ELOVL2: variants seen among roughly 807,000 people sequenced by gnomAD.
ELOVL2 encodes ELOVL fatty acid elongase 2, also known as very long chain fatty acid elongase 2.
ELOVL2 carries 38 observed loss-of-function variants against 37.7 expected under a neutral mutation model. That is an observed-to-expected ratio of 1.01 (90% CI 0.78 to 1.32). ELOVL2 has a LOEUF of 1.32. Ranked by LOEUF, ELOVL2 falls within the 40% of genes most tolerant of loss-of-function variation. ELOVL2 has a pLI of 0.00. For synonymous variants in ELOVL2, 115 were observed against 122.3 expected (o/e 0.94, Z 0.40); for missense variants, 352 against 363.6 (o/e 0.97, Z 0.26).
intron 1 of ELOVL2, among the ~76,000 whole-genome samples, chr6:11,016,309 A>G (rs899732806): frequency 6.6e-6 from 1 of 152,216 alleles, no homozygotes; most frequent in African/African-American, 2.4e-5. Context: ...TTTATAGAAC[A>G]TTTTAAAGAC....
Position 10,987,344 on chromosome 6 carries a change from T to C in ELOVL2, c.765+2359A>G, listed in dbSNP as rs1362344667. On this transcript the variant is annotated intron_variant, in intron 7 of 7. Coordinates refer to ENST00000354666, the MANE Select transcript of ELOVL2 (RefSeq NM_017770.4). ...TTTGAAGGGTTTTTTGTGTCTCTAT[T>C]TCCTTCAGTTCTGCTCTGATTTTAG... Among the ~76,000 whole-genome samples, 5 of 152,242 alleles carry C rather than the reference T, an allele frequency of 3.3e-5. No individual in the cohort carries two copies. In the East Asian group the frequency reaches 9.6e-4, roughly 29 times the overall value.
chr6:11,009,776 G>GT (rs1357497635), intron 2 of ELOVL2, among the ~76,000 whole-genome samples: 2 of 152,302 alleles, frequency 1.3e-5, no homozygotes, highest in African/African-American at 4.8e-5. Flanking sequence ...AAGAAGTTTG[G>GT]TTTTTACCTG....
In ELOVL2 at chr6:11,043,617, C is replaced by T. The variant is rs1343972148; in HGVS notation, c.3+611G>A. 3 of 153,046 alleles carry T rather than the reference C, an allele frequency of 2.0e-5. No individual in the cohort carries two copies. The Admixed American group carries it at 2.0e-4, about 10-fold the overall frequency. 9.5% of individuals were successfully genotyped at this position (153,046 alleles called of 1,614,324 possible). On this transcript the variant is annotated intron_variant, in intron 1 of 7. Transcript: ENST00000354666. ...CTCCGAGCCCAGACACTGATAGAAACCCAGCCGCTTCCCAAGCCAATCTGC... is the reference window on the plus strand; with the variant it reads ...CTCCGAGCCCAGACACTGATAGAAATCCAGCCGCTTCCCAAGCCAATCTGC...
intron 1 of ELOVL2, among the ~76,000 whole-genome samples, chr6:11,036,748 C>T (rs1474216376): frequency 6.6e-6 from 1 of 152,146 alleles, no homozygotes; most frequent in Non-Finnish European, 1.5e-5. Flanking sequence ...TATTGGCTTC[C>T]TGTTTGTCCC....
chr6:10,983,650 T>G lies in ELOVL2; in HGVS notation c.*131A>C. 9.9e-7 allele frequency: 1 copy of G among 1,008,346 alleles called. No individual in the cohort carries two copies. Among genetic ancestry groups the G allele is most frequent in the Non-Finnish European group, 1.4e-6 (1 of 710,880 alleles). The allele number at this position is 1,008,346 out of a possible 1,614,324, so 62.5% of individuals were successfully genotyped here. ...ACCTAATAGCAATATATTAATACAT[T>G]CTGGGTACAAATGATTTATGAACTC... On this transcript the variant is annotated 3_prime_UTR_variant, in exon 8 of 8. Transcript: ENST00000354666.
At position 10,982,285 on chromosome 6, in the gene ELOVL2, CA is replaced by C. The variant is rs758339462; in HGVS notation, c.*1495del. On this transcript the variant is annotated 3_prime_UTR_variant, in exon 8 of 8. Coordinates refer to ENST00000354666, the MANE Select transcript of ELOVL2 (RefSeq NM_017770.4). ...CAGGAGAAAGTTTAAAACTAGAGCT[CA>C]GGGGGGAAAAAAAGCCGAGAGAGAA... 2 of 151,760 alleles carry C rather than the reference CA, an allele frequency of 1.3e-5. No homozygotes were observed. The highest frequency in any genetic ancestry group is 2.4e-5 in the African/African-American group (1 of 41,274). 9.4% of individuals were successfully genotyped at this position (151,760 alleles called of 1,614,324 possible). A position where few individuals can be genotyped will look rare whatever the true frequency, so the allele number is the denominator to read the frequency against.
intron 1 of ELOVL2, chr6:11,043,501 GGAGA>G (rs1783142826): frequency 1.4e-5 from 1 of 70,260 alleles, no homozygotes; most frequent in Non-Finnish European, 2.4e-5. Context: ...TTACTGCCGA[GGAGA>G]AAGAAGCGTT....
Position 10,983,664 on chromosome 6 carries a change from A to T in ELOVL2, c.*117T>A, listed in dbSNP as rs563619662. The T allele has an allele frequency of 1.3e-5, 15 of 1,129,756 alleles. 1 individual carries two copies. The East Asian group carries it at 3.4e-4, about 26-fold the overall frequency. 70.0% of individuals were successfully genotyped at this position (1,129,756 alleles called of 1,614,324 possible). A position where few individuals can be genotyped will look rare whatever the true frequency, so the allele number is the denominator to read the frequency against. On this transcript the variant is annotated 3_prime_UTR_variant, in exon 8 of 8. Coordinates refer to ENST00000354666, the MANE Select transcript of ELOVL2 (RefSeq NM_017770.4). ...TATTAATACATTCTGGGTACAAATGATTTATGAACTCAAAAGAAATTAGTT... is the reference window on the plus strand; with the variant it reads ...TATTAATACATTCTGGGTACAAATGTTTTATGAACTCAAAAGAAATTAGTT...
At chr6:11,025,186 A>G (rs1049562584) in intron 1 of ELOVL2, among the ~76,000 whole-genome samples, 2 of 152,170 alleles carry the variant, frequency 1.3e-5, no homozygotes, top group African/African-American at 4.8e-5. Context: ...AGGCTAAGTA[A>G]TAGCAGATTC....
chr6:11,041,377 A>C (rs1375118176), intron 1 of ELOVL2, among the ~76,000 whole-genome samples: 3 of 152,232 alleles, frequency 2.0e-5, no homozygotes, highest in Non-Finnish European at 4.4e-5. Flanking sequence ...TTTTGAAGGA[A>C]ACTAGATTAA....
At chr6:11,008,002 T>C (rs527453280) in intron 2 of ELOVL2, among the ~76,000 whole-genome samples, 35 of 152,296 alleles carry the variant, frequency 2.3e-4, no homozygotes, top group African/African-American at 7.9e-4. Flanking sequence ...TCTTTGGGAC[T>C]TGAGAAGTGT....
intron 1 of ELOVL2, among the ~76,000 whole-genome samples, chr6:11,038,000 T>A (rs553735297): frequency 1.8e-4 from 28 of 152,318 alleles, no homozygotes; most frequent in African/African-American, 6.7e-4. Context: ...GGAAAAGTAC[T>A]ACTGCCTTTC....
At chr6:10,998,371 AC>A (rs370076747) in intron 4 of ELOVL2, among the ~76,000 whole-genome samples, 589 of 152,294 alleles carry the variant, frequency 3.9e-3, no homozygotes, top group African/African-American at 0.013. Flanking sequence ...CTAGAGAAGA[AC>A]TTTCCCTTTT....
At chr6:11,043,432 C>CACACACACAG (rs1428059244) in intron 1 of ELOVL2, 3 of 115,052 alleles carry the variant, frequency 2.6e-5, no homozygotes, top group African/African-American at 1.1e-4. Context: ...CACACACACA[C>CACACACACAG]AGCTTACTGT....
chr6:11,041,911 T>C (rs371777804), intron 1 of ELOVL2, among the ~76,000 whole-genome samples: 3 of 152,202 alleles, frequency 2.0e-5, no homozygotes, highest in Admixed American at 1.3e-4. Context: ...AGACAGTTCA[T>C]ATTGGACATG....
chr6:11,011,421 C>T (rs2113524878), intron 1 of ELOVL2, among the ~76,000 whole-genome samples: 1 of 151,908 alleles, frequency 6.6e-6, no homozygotes, highest in Non-Finnish European at 1.5e-5. Context: ...TTCCATTTAC[C>T]TCTAAAATGC....
At chr6:11,009,681 T>C (rs899638479) in intron 2 of ELOVL2, among the ~76,000 whole-genome samples, 1 of 152,146 alleles carries the variant, frequency 6.6e-6, no homozygotes, top group African/African-American at 2.4e-5. Flanking sequence ...TGAGCAGCTG[T>C]ATGAAAGCCA....
intron 1 of ELOVL2, among the ~76,000 whole-genome samples, chr6:11,011,851 C>T (rs756393122): frequency 3.9e-5 from 6 of 152,180 alleles, no homozygotes; most frequent in Non-Finnish European, 5.9e-5. Flanking sequence ...TACAGCACCT[C>T]CTCAAGCAAC....
intron 2 of ELOVL2, among the ~76,000 whole-genome samples, 190 bp downstream of exon 2, chr6:11,010,556 A>C (rs1782556839): frequency 6.6e-6 from 1 of 152,166 alleles, no homozygotes; most frequent in Non-Finnish European, 1.5e-5. Flanking sequence ...ATCCCAGGAG[A>C]GGTTAAGCAG....
Sources: allele counts gnomAD v4.1 joint callset (sites outside exome capture counted in the v4.1 genomes callset), GRCh38; gene constraint gnomAD v4.1.1; transcripts MANE v1.5; gene names NCBI Gene and HGNC (gene_info 2026-07-23, HGNC 2026-07-21).